TWNK: variants seen among roughly 807,000 people sequenced by gnomAD.
TWNK encodes T7 gp4-like protein with intramitochondrial nucleoid localization.
TWNK carries 36 observed loss-of-function variants against 58.2 expected under a neutral mutation model. That is an observed-to-expected ratio of 0.62 (90% CI 0.47 to 0.82). The LOEUF (loss-of-function observed/expected upper bound fraction) is 0.82. Among genes scored for constraint, TWNK ranks in the 40% least tolerant of loss-of-function variants. TWNK has a pLI of 0.00. For missense variants in TWNK, 714 were observed against 881.0 expected, an observed-to-expected ratio of 0.81 and a Z score of 2.40; for synonymous variants, 349 against 348.5, an observed-to-expected ratio of 1.00 and a Z score of -0.02.
rs149630750 is a variant in TWNK at position 100,989,011 on chromosome 10, T to G, written c.801T>G (p.Leu267=). 74 of 1,614,176 alleles carry G rather than the reference T, an allele frequency of 4.6e-5. No homozygotes were observed. The African/African-American group carries it at 9.3e-4, about 20-fold the overall frequency. ...DAEVVLTSRE[L]DSLALNQSTG... ...AGGTGGTACTGACGAGTCGTGAGCT[T>G]GACAGCCTGGCCTTGAACCAGTCCA... The change falls in exon 1 of 5, where the codon CTT becomes CTG. Residue 267 remains leucine, a synonymous_variant. Coordinates refer to ENST00000311916, the MANE Select transcript of TWNK (RefSeq NM_021830.5). The surrounding 1 kb of genome is among the most constrained non-coding windows in gnomAD (Gnocchi z 7.6).
At position 100,989,284 on chromosome 10, in the gene TWNK, C is replaced by T. The variant is rs777394722; in HGVS notation, c.1074C>T (p.Thr358=). Residue 358 remains threonine (T), a synonymous_variant, in exon 1 of 5, where the codon ACC becomes ACT. Coordinates refer to ENST00000311916, the MANE Select transcript of TWNK (RefSeq NM_021830.5). The surrounding 1 kb of genome is among the most constrained non-coding windows in gnomAD (Gnocchi z 7.6). ...TCAATCTTTCTCGTATTCTTCGTAC[C>T]GCCCTGCCTGCCTGGCACAAGTCCA... The part of the protein sequence containing the change: ...GGFNLSRILR[T]ALPAWHKSIV... 16 of 1,614,152 alleles carry T rather than the reference C, an allele frequency of 9.9e-6. No individual in the cohort carries two copies. Among genetic ancestry groups the T allele is most frequent in the Non-Finnish European group, 5.9e-6 (7 of 1,180,034 alleles).
At position 100,989,464 on chromosome 10, in the gene TWNK, G is replaced by A. The variant is rs1218117081; in HGVS notation, c.1243+11G>A. 6.2e-7 allele frequency: 1 copy of A among 1,613,330 alleles called. No individual in the cohort carries two copies. Among genetic ancestry groups the A allele is most frequent in the Non-Finnish European group, 8.5e-7 (1 of 1,180,028 alleles). On this transcript the variant is annotated intron_variant, in intron 1 of 4. Coordinates refer to ENST00000311916, the MANE Select transcript of TWNK (RefSeq NM_021830.5). This position sits in a 1 kb window ranked among gnomAD's most constrained non-coding sequence, Gnocchi z 7.6. ...TGACGGTCTTCACAGGTAACCCTTT[G>A]AGAAATCACTACTTAGAGTAAAGGG... is the stretch of plus-strand genomic sequence containing the variant.
rs1335662157 is a variant in TWNK at position 100,988,063 on chromosome 10, AGAG to A, written c.-144_-142del. The A allele has an allele frequency of 1.1e-6, 1 of 946,214 alleles. No individual in the cohort carries two copies. Among genetic ancestry groups the A allele is most frequent in the Non-Finnish European group, 1.7e-6 (1 of 587,974 alleles). 58.6% of individuals were successfully genotyped at this position (946,214 alleles called of 1,614,324 possible). ...TGAAGCAGCAACGTAGAGGGGCTGA[AGAG>A]GAGAAATTCATGGAGAGAAAGAATG... On this transcript the variant is annotated 5_prime_UTR_variant, in exon 1 of 5. Coordinates refer to ENST00000311916, the MANE Select transcript of TWNK (RefSeq NM_021830.5). The surrounding 1 kb of genome is among the most constrained non-coding windows in gnomAD (Gnocchi z 5.2).
chr10:100,991,176 G>T, intron 4 of TWNK, 166 bp downstream of exon 4: 1 of 1,015,362 alleles, frequency 9.8e-7, no homozygotes, highest in Non-Finnish European at 1.4e-6. Context: ...AAATACAAAG[G>T]CTGATAGTTG....
Position 100,988,627 on chromosome 10 carries a change from G to A in TWNK, c.417G>A (p.Gly139=), listed in dbSNP as rs749624036. 2 of 1,613,946 alleles carry A rather than the reference G, an allele frequency of 1.2e-6. No individual in the cohort carries two copies. The highest frequency in any genetic ancestry group is 1.7e-6 in the Non-Finnish European group (2 of 1,180,028). The change falls in exon 1 of 5, where the codon GGG becomes GGA. Residue 139 remains glycine, a synonymous_variant. Transcript: ENST00000311916. This position sits in a 1 kb window ranked among gnomAD's most constrained non-coding sequence, Gnocchi z 5.2. The part of the protein sequence containing the change: ...VEGRGDGARE[G]FLLSKAPEFE... The stretch of plus-strand genomic sequence containing the variant: ...GGCGAGGGGATGGGGCCAGGGAGGG[G>A]TTTCTGCTTAGCAAGGCACCAGAAT...
chr10:100,988,261 G>C lies in TWNK; in HGVS notation c.51G>C (p.Leu17=), dbSNP rs1418595961. ...ACCCCCTCCGTATCTTGTTACCCCT[G>C]CGTGGGGAGTGGATGGGTCGGAGGG... The part of the protein sequence containing the change: ...SGYPLRILLP[L]RGEWMGRRGL... The change falls in exon 1 of 5, where the codon CTG becomes CTC. Residue 17 remains leucine, a synonymous_variant. Transcript: ENST00000311916. This position sits in a 1 kb window ranked among gnomAD's most constrained non-coding sequence, Gnocchi z 5.2. 1.9e-6 allele frequency: 3 copies of C among 1,614,046 alleles called. No individual in the cohort carries two copies.
chr10:100,993,771 C>A lies in TWNK; in HGVS notation c.*261C>A. The A allele has an allele frequency of 9.7e-6, 5 of 516,694 alleles. No homozygotes were observed. Among genetic ancestry groups the A allele is most frequent in the Non-Finnish European group, 1.7e-5 (5 of 289,384 alleles). 32.0% of individuals were successfully genotyped at this position (516,694 alleles called of 1,614,324 possible). A position where few individuals can be genotyped will look rare whatever the true frequency, so the allele number is the denominator to read the frequency against. ...AAGTCCCTGCCTGCATGCATTCTGG[C>A]GGAAGAGACAAGCAAGCAATGAACA... On this transcript the variant is annotated 3_prime_UTR_variant, in exon 5 of 5. Coordinates refer to ENST00000311916, the MANE Select transcript of TWNK (RefSeq NM_021830.5).
In TWNK at chr10:100,990,941, G is replaced by A. The variant is rs1851754183; in HGVS notation, c.1665G>A (p.Leu555=). Residue 555 remains leucine (L), a synonymous_variant, in exon 4 of 5, where the codon CTG becomes CTA. Transcript: ENST00000311916. The part of the protein sequence containing the change: ...FATDNNCHVT[L]VIHPRKEDDD... The stretch of plus-strand genomic sequence containing the variant: ...CAGACAATAACTGCCATGTGACACT[G>A]GTCATTCACCCCCGGAAAGAGGATG... 6.2e-7 allele frequency: 1 copy of A among 1,614,234 alleles called. No homozygotes were observed. The highest frequency in any genetic ancestry group is 8.5e-7 in the Non-Finnish European group (1 of 1,180,040).
Position 100,988,236 on chromosome 10 carries a change from A to T in TWNK, c.26A>T (p.Tyr9Phe). Residue 9 changes from tyrosine to phenylalanine, a missense_variant, in exon 1 of 5, where the codon TAC (tyrosine) becomes TTC (phenylalanine). Coordinates refer to ENST00000311916, the MANE Select transcript of TWNK (RefSeq NM_021830.5). The surrounding 1 kb of genome is among the most constrained non-coding windows in gnomAD (Gnocchi z 5.2). ...ATGTGGGTCCTCCTCCGAAGTGGGT[A>T]CCCCCTCCGTATCTTGTTACCCCTG... MWVLLRSG[Y>F]PLRILLPLRG... 6.2e-7 allele frequency: 1 copy of T among 1,613,740 alleles called. No individual in the cohort carries two copies. Among genetic ancestry groups the T allele is most frequent in the South Asian group, 1.1e-5 (1 of 91,082 alleles).
chr10:100,990,546 G>T lies in TWNK; in HGVS notation c.1592+3G>T. 6.2e-7 allele frequency: 1 copy of T among 1,614,112 alleles called. No homozygotes were observed. Among genetic ancestry groups the T allele is most frequent in the South Asian group, 1.1e-5 (1 of 91,042 alleles). On this transcript the variant is annotated splice_donor_region_variant and intron_variant, in intron 3 of 4. Coordinates refer to ENST00000311916, the MANE Select transcript of TWNK (RefSeq NM_021830.5). The stretch of plus-strand genomic sequence containing the variant: ...CACGAGCAGCTGTCCACAGACAGGT[G>T]ACGGTGACATCCTCTCTTGTCTAGC...
At chr10:100,992,799 T>C (rs1851817627) in intron 4 of TWNK, among the ~76,000 whole-genome samples, 2 of 151,932 alleles carry the variant, frequency 1.3e-5, no homozygotes, top group African/African-American at 4.8e-5. Context: ...TTTTTTTTTC[T>C]TTTTTGAGAC....
intron 4 of TWNK, among the ~76,000 whole-genome samples, chr10:100,991,863 A>G (rs1043212817): frequency 1.3e-5 from 2 of 151,224 alleles, no homozygotes; most frequent in Non-Finnish European, 3.0e-5. Context: ...TACAAAAAAA[A>G]AAAAAAATTA....
At position 100,988,848 on chromosome 10, in the gene TWNK, G is replaced by T. The variant is rs1057524510; in HGVS notation, c.638G>T (p.Gly213Val). The T allele has an allele frequency of 1.2e-5, 20 of 1,614,056 alleles. No homozygotes were observed. The highest frequency in any genetic ancestry group is 1.6e-5 in the Non-Finnish European group (19 of 1,180,024). Reference sequence around the variant, plus strand: ...GTCTTCCCTTGGTTCTCCCCTGGGGGCTCAGGATTACGAGGCCTGAAGCTC... The same window carrying T: ...GTCTTCCCTTGGTTCTCCCCTGGGGTCTCAGGATTACGAGGCCTGAAGCTC... ...SLVFPWFSPGGSGLRGLKLLE... is the reference protein window; with the variant it reads ...SLVFPWFSPGVSGLRGLKLLE... Residue 213 changes from glycine (G) to valine (V), a missense_variant, in exon 1 of 5, where the codon GGC (glycine) becomes GTC (valine). Physicochemically the swap from Gly to Val is moderately radical, Grantham distance 109. This residue lies in a region of TWNK where 348 missense variants were observed against 388.4 expected (regional missense o/e 0.90). Coordinates refer to ENST00000311916, the MANE Select transcript of TWNK (RefSeq NM_021830.5). The surrounding 1 kb of genome is among the most constrained non-coding windows in gnomAD (Gnocchi z 5.2).
At position 100,993,478 on chromosome 10, in the gene TWNK, G is replaced by C. The variant is rs758267849; in HGVS notation, c.2023G>C (p.Asp675His). The change falls in exon 5 of 5, where the codon GAC becomes CAC. Residue 675 changes from aspartate to histidine, a missense_variant. Transcript: ENST00000311916. The part of the protein sequence containing the change: ...EICSGQAPTP[D>H]QPDTSKRSK ...TTGCTCAGGCCAGGCCCCCACTCCCGACCAGCCAGACACCTCCAAGCGTTC... is the reference window on the plus strand; with the variant it reads ...TTGCTCAGGCCAGGCCCCCACTCCCCACCAGCCAGACACCTCCAAGCGTTC... The C allele has an allele frequency of 6.2e-7, 1 of 1,614,110 alleles. No individual in the cohort carries two copies. Among genetic ancestry groups the C allele is most frequent in the Non-Finnish European group, 8.5e-7 (1 of 1,180,028 alleles).
Position 100,989,855 on chromosome 10 carries a change from C to T in TWNK, c.1455C>T (p.Phe485=), listed in dbSNP as rs1485335431. ...GCTTTGAGGACCTGCCCCTCTATTTCATGACTTTCCATGGACAGCAAAGCA... is the reference window on the plus strand; with the variant it reads ...GCTTTGAGGACCTGCCCCTCTATTTTATGACTTTCCATGGACAGCAAAGCA... ...ADRFEDLPLY[F]MTFHGQQSIR... The change falls in exon 2 of 5, where the codon TTC becomes TTT. Residue 485 remains phenylalanine (F), a synonymous_variant. Coordinates refer to ENST00000311916, the MANE Select transcript of TWNK (RefSeq NM_021830.5). The surrounding 1 kb of genome is among the most constrained non-coding windows in gnomAD (Gnocchi z 7.6). The T allele has an allele frequency of 1.2e-6, 2 of 1,614,118 alleles. No homozygotes were observed. Among genetic ancestry groups the T allele is most frequent in the Non-Finnish European group, 1.7e-6 (2 of 1,180,048 alleles).
In TWNK at chr10:100,989,206, G is replaced by C; in HGVS notation, c.996G>C (p.Leu332Phe). ...AACTGAACCCCAAACGATGCTTCTT[G>C]GTGCGACCAGGAGACCAGCAACCCC... ...ARKLNPKRCFLVRPGDQQPRP... is the reference protein window; with the variant it reads ...ARKLNPKRCFFVRPGDQQPRP... The change falls in exon 1 of 5, where the codon TTG becomes TTC. Residue 332 changes from leucine (L) to phenylalanine (F), a missense_variant. This residue lies in a region of TWNK where 302 missense variants were observed against 438.6 expected (regional missense o/e 0.69). Transcript: ENST00000311916. This position sits in a 1 kb window ranked among gnomAD's most constrained non-coding sequence, Gnocchi z 7.6. The C allele has an allele frequency of 1.2e-6, 2 of 1,614,144 alleles. No individual in the cohort carries two copies. Among genetic ancestry groups the C allele is most frequent in the Non-Finnish European group, 1.7e-6 (2 of 1,180,002 alleles).
In TWNK at chr10:100,989,411, A is replaced by C; in HGVS notation, c.1201A>C (p.Ile401Leu). 1 of 1,614,190 alleles carries C rather than the reference A, an allele frequency of 6.2e-7. No individual in the cohort carries two copies. The highest frequency in any genetic ancestry group is 8.5e-7 in the Non-Finnish European group (1 of 1,180,036). The change falls in exon 1 of 5, where the codon ATC becomes CTC. Residue 401 changes from isoleucine (I) to leucine (L), a missense_variant. Ile to Leu is a conservative substitution (Grantham distance 5). Coordinates refer to ENST00000311916, the MANE Select transcript of TWNK (RefSeq NM_021830.5). This position sits in a 1 kb window ranked among gnomAD's most constrained non-coding sequence, Gnocchi z 7.6. Reference protein sequence around the residue: ...RWSRFPDLNRILKGHRKGELT... With the variant: ...RWSRFPDLNRLLKGHRKGELT... ...GAGCCGCTTTCCAGACCTCAATCGTATCTTGAAGGGACATCGAAAGGGCGA... is the reference window on the plus strand; with the variant it reads ...GAGCCGCTTTCCAGACCTCAATCGTCTCTTGAAGGGACATCGAAAGGGCGA...
chr10:100,989,501 G>T lies in TWNK; in HGVS notation c.1243+48G>T, dbSNP rs761493990. The T allele has an allele frequency of 1.2e-6, 2 of 1,610,888 alleles. No individual in the cohort carries two copies. Among genetic ancestry groups the T allele is most frequent in the Admixed American group, 3.3e-5 (2 of 60,000 alleles). On this transcript the variant is annotated intron_variant, in intron 1 of 4. Transcript: ENST00000311916. This position sits in a 1 kb window ranked among gnomAD's most constrained non-coding sequence, Gnocchi z 7.6. ...CTTAGAGTAAAGGGGCAGAAGATCAGGTGACAAAAGCAAGTGGGTTTGGGC... is the reference window on the plus strand; with the variant it reads ...CTTAGAGTAAAGGGGCAGAAGATCATGTGACAAAAGCAAGTGGGTTTGGGC...
Position 100,988,074 on chromosome 10 carries a change from T to A in TWNK, c.-137T>A. 1 of 1,030,480 alleles carries A rather than the reference T, an allele frequency of 9.7e-7. No individual in the cohort carries two copies. Among genetic ancestry groups the A allele is most frequent in the Non-Finnish European group, 1.5e-6 (1 of 658,602 alleles). The allele number at this position is 1,030,480 out of a possible 1,614,324, so 63.8% of individuals were successfully genotyped here. On this transcript the variant is annotated 5_prime_UTR_variant, in exon 1 of 5. Transcript: ENST00000311916. The surrounding 1 kb of genome is among the most constrained non-coding windows in gnomAD (Gnocchi z 5.2). ...CGTAGAGGGGCTGAAGAGGAGAAAT[T>A]CATGGAGAGAAAGAATGCACCTAGA...
Sources: gnomAD v4.1 joint callset for allele counts (sites outside exome capture counted in the v4.1 genomes callset) on GRCh38, gnomAD v4.1.1 for gene constraint, gnomAD v4.1.1 regional missense constraint, Gnocchi (gnomAD v3.1) non-coding constraint, MANE v1.5 for transcripts, NCBI Gene and HGNC (gene_info 2026-07-23, HGNC 2026-07-21) for gene names.